PRORP: variants seen among roughly 807,000 people sequenced by gnomAD.
The protein encoded by PRORP is mitochondrial ribonuclease P catalytic subunit.
Under a neutral mutation model 59.4 loss-of-function variants are expected in PRORP, and 51 were observed. The ratio of observed to expected loss-of-function variants is 0.86; its 90% CI spans 0.69 to 1.08. The LOEUF is 1.08. Ranked by LOEUF, PRORP falls within the 50% of genes least tolerant of loss-of-function variation. The pLI, the probability that PRORP is intolerant of heterozygous loss-of-function variation, is 0.00. For synonymous variants in PRORP, 231 were observed against 245.6 expected, an observed-to-expected ratio of 0.94 and a Z score of 0.55; for missense variants, 646 against 690.3, an observed-to-expected ratio of 0.94 and a Z score of 0.72.
chr14:35,255,315 A>T (rs1375539307), intron 5 of PRORP, among the ~76,000 whole-genome samples: 1 of 151,790 alleles, frequency 6.6e-6, no homozygotes, highest in Non-Finnish European at 1.5e-5. Context: ...TTTTTAGTAG[A>T]GACGGGGTTT....
intron 4 of PRORP, among the ~76,000 whole-genome samples, chr14:35,156,507 A>G (rs2047916375): frequency 6.6e-6 from 1 of 152,162 alleles, no homozygotes; most frequent in South Asian, 2.1e-4. Context: ...ATTTTTGTTC[A>G]GATGTTTTGA....
intron 5 of PRORP, among the ~76,000 whole-genome samples, chr14:35,217,618 T>C (rs1222498319): frequency 2.0e-5 from 3 of 152,150 alleles, no homozygotes; most frequent in Non-Finnish European, 4.4e-5. Flanking sequence ...TTTGAGTTGA[T>C]TTTTGTACTT....
At chr14:35,181,531 C>T (rs1365786275) in intron 5 of PRORP, among the ~76,000 whole-genome samples, 2 of 151,878 alleles carry the variant, frequency 1.3e-5, no homozygotes, top group African/African-American at 2.4e-5. Context: ...TGCCTGTAAT[C>T]CCCAGCACTT....
intron 4 of PRORP, among the ~76,000 whole-genome samples, chr14:35,161,522 T>TG (rs1423100625): frequency 6.6e-6 from 1 of 152,132 alleles, no homozygotes; most frequent in Non-Finnish European, 1.5e-5. Context: ...ATTTTTTCTT[T>TG]TTTTAAAGTA....
chr14:35,250,263 T>TA (rs2050584022), intron 5 of PRORP, among the ~76,000 whole-genome samples: 1 of 151,864 alleles, frequency 6.6e-6, no homozygotes, highest in Non-Finnish European at 1.5e-5. Flanking sequence ...AGATGTCTTA[T>TA]ACCCCTCAAA....
intron 4 of PRORP, among the ~76,000 whole-genome samples, chr14:35,132,937 T>G (rs2047285629): frequency 6.7e-6 from 1 of 149,524 alleles, no homozygotes; most frequent in Admixed American, 6.6e-5. Context: ...GTTTTGTTTT[T>G]TTGAGACGGA....
chr14:35,201,333 G>C (rs1243073098), intron 5 of PRORP, among the ~76,000 whole-genome samples: 1 of 152,178 alleles, frequency 6.6e-6, no homozygotes, highest in Non-Finnish European at 1.5e-5. Flanking sequence ...GAGCTGGCGG[G>C]AGGAGTTATG....
chr14:35,132,287 G>A (rs1425685090), intron 4 of PRORP, among the ~76,000 whole-genome samples: 3 of 149,106 alleles, frequency 2.0e-5, no homozygotes, highest in African/African-American at 2.5e-5. Context: ...GTGAAACCCC[G>A]TCTCTACAAA....
chr14:35,239,119 G>A (rs910276961), intron 5 of PRORP, among the ~76,000 whole-genome samples: 1 of 152,026 alleles, frequency 6.6e-6, no homozygotes, highest in Non-Finnish European at 1.5e-5. Context: ...CACTTTAGGA[G>A]GCGAGGCGGG....
chr14:35,154,667 A>T (rs1477807736), intron 4 of PRORP, among the ~76,000 whole-genome samples: 1 of 150,768 alleles, frequency 6.6e-6, no homozygotes, highest in African/African-American at 2.5e-5. Context: ...GGAAACTGCA[A>T]GACAACCCAG....
chr14:35,203,600 C>T (rs1322591702), intron 5 of PRORP, among the ~76,000 whole-genome samples: 1 of 152,194 alleles, frequency 6.6e-6, no homozygotes, highest in Non-Finnish European at 1.5e-5. Flanking sequence ...CGCAGTGGCT[C>T]ATGCCTGTAA....
At chr14:35,172,228 T>C (rs1349176182) in intron 4 of PRORP, among the ~76,000 whole-genome samples, 1 of 151,862 alleles carries the variant, frequency 6.6e-6, no homozygotes, top group Non-Finnish European at 1.5e-5. Flanking sequence ...TTTGTATTTT[T>C]AGTAGAGACG....
At chr14:35,189,674 A>G (rs1292927038) in intron 5 of PRORP, among the ~76,000 whole-genome samples, 25 of 152,238 alleles carry the variant, frequency 1.6e-4, no homozygotes, top group Admixed American at 1.6e-3. Flanking sequence ...TATCTAAACA[A>G]GAAATGCATA....
intron 5 of PRORP, among the ~76,000 whole-genome samples, chr14:35,208,456 T>C (rs964580301): frequency 6.6e-6 from 1 of 152,216 alleles, no homozygotes; most frequent in Non-Finnish European, 1.5e-5. Flanking sequence ...TAAAGACATA[T>C]AATGTAATTT....
intron 4 of PRORP, among the ~76,000 whole-genome samples, chr14:35,141,288 T>G (rs1204520548): frequency 6.9e-6 from 1 of 143,916 alleles, no homozygotes; most frequent in East Asian, 2.3e-4. Flanking sequence ...TTGAGACAAG[T>G]TCTTACTATT....
At chr14:35,157,207 G>T (rs759406311) in intron 4 of PRORP, among the ~76,000 whole-genome samples, 3 of 151,832 alleles carry the variant, frequency 2.0e-5, no homozygotes, top group Admixed American at 6.6e-5. Context: ...CTCCCGCCTC[G>T]GCCTCTCAAA....
At chr14:35,153,117 G>GCGAGACTC (rs1409403772) in intron 4 of PRORP, among the ~76,000 whole-genome samples, 1 of 152,242 alleles carries the variant, frequency 6.6e-6, no homozygotes, top group Non-Finnish European at 1.5e-5. Context: ...CACTGAGTGA[G>GCGAGACTC]CGAGACTCCG....
rs747235918 is a variant in PRORP, at chr14:35,154,987, C to T, written c.1168-25683C>T. On this transcript the variant is annotated intron_variant, in intron 4 of 7. Transcript: ENST00000534898. ...ACAGCTCACCACAGCCTCAACCTCC[C>T]GGGCTCAGGTGATCATCCCACCTCA... Among the ~76,000 whole-genome samples, 11 of 152,258 alleles carry T rather than the reference C, an allele frequency of 7.2e-5. No individual in the cohort carries two copies. In the South Asian group the frequency reaches 8.3e-4, roughly 11 times the overall value.
chr14:35,177,690 A>G (rs575711184), intron 4 of PRORP, among the ~76,000 whole-genome samples: 1 of 152,176 alleles, frequency 6.6e-6, no homozygotes, highest in African/African-American at 2.4e-5. Context: ...TTTTCAAAAA[A>G]CCAGCTCCTA....
Sources: allele counts gnomAD v4.1 joint callset (sites outside exome capture counted in the v4.1 genomes callset), GRCh38; gene constraint gnomAD v4.1.1; transcripts MANE v1.5; gene names NCBI Gene and HGNC (gene_info 2026-07-23, HGNC 2026-07-21).